CNTNAP5: variants seen among roughly 807,000 people sequenced by gnomAD.
CNTNAP5 encodes contactin associated protein family member 5, also known as contactin-associated protein-like 5.
A neutral mutation model predicts 150.2 loss-of-function variants in CNTNAP5; 72 were observed. The observed-to-expected ratio is 0.48, with a 90% CI of 0.40 to 0.58. The LOEUF (loss-of-function observed/expected upper bound fraction) is 0.58, where lower values mean the gene tolerates loss of function less well. Ranked by LOEUF, CNTNAP5 falls within the 20% of genes least tolerant of loss-of-function variation. The pLI, the probability that CNTNAP5 is intolerant of heterozygous loss-of-function variation, is 0.00. For missense variants in CNTNAP5, 1,636 were observed against 1,626.2 expected (o/e 1.01, Z -0.10); for synonymous variants, 672 against 619.8 (o/e 1.08, Z -1.25).
chr2:124,118,023 A>T (rs914912299), intron 1 of CNTNAP5, among the ~76,000 whole-genome samples: 1 of 152,270 alleles, frequency 6.6e-6, no homozygotes, highest in East Asian at 1.9e-4. Flanking sequence ...ATTTAAAAAA[A>T]TTTTCAGGGA....
chr2:124,221,125 A>C (rs1037666180), intron 1 of CNTNAP5, among the ~76,000 whole-genome samples: 2 of 152,168 alleles, frequency 1.3e-5, no homozygotes, highest in African/African-American at 4.8e-5. Flanking sequence ...AATATACAAG[A>C]TCTAGGACTA....
At chr2:124,400,549 C>G (rs1357182898) in intron 3 of CNTNAP5, among the ~76,000 whole-genome samples, 1 of 152,168 alleles carries the variant, frequency 6.6e-6, no homozygotes, top group Admixed American at 6.5e-5. Flanking sequence ...CACTCCTTAA[C>G]TCCAGGTGCT....
At chr2:124,673,792 A>G (rs1678871253) in intron 13 of CNTNAP5, among the ~76,000 whole-genome samples, 3 of 151,892 alleles carry the variant, frequency 2.0e-5, no homozygotes. Flanking sequence ...TCCTCTAGAC[A>G]ATTTTTCTGA....
At chr2:124,465,551 A>C (rs1693358118) in intron 6 of CNTNAP5, among the ~76,000 whole-genome samples, 1 of 152,210 alleles carries the variant, frequency 6.6e-6, no homozygotes, top group Non-Finnish European at 1.5e-5. Flanking sequence ...CCAATTTAAC[A>C]AATATCTGTT....
intron 12 of CNTNAP5, among the ~76,000 whole-genome samples, chr2:124,637,912 C>T (rs1393795457): frequency 6.6e-6 from 1 of 152,072 alleles, no homozygotes. Flanking sequence ...TCAACTAGAA[C>T]TTTCCCTACC....
intron 13 of CNTNAP5, among the ~76,000 whole-genome samples, chr2:124,713,898 A>C (rs1448292825): frequency 2.6e-5 from 4 of 152,184 alleles, no homozygotes; most frequent in African/African-American, 9.7e-5. Context: ...CTAGTTCAGC[A>C]AACATCTTTC....
Position 124,758,424 on chromosome 2 carries a change from C to A in CNTNAP5, c.2235-5248C>A, listed in dbSNP as rs141273024. On this transcript the variant is annotated intron_variant, in intron 14 of 23. Coordinates refer to ENST00000682447, the MANE Select transcript of CNTNAP5 (RefSeq NM_001367498.1). The stretch of plus-strand genomic sequence containing the variant: ...GTAGACAGTCAAATAAATATATATT[C>A]ATGAAGGAACATGTGTGTGTGTGTC... Among the ~76,000 whole-genome samples the A allele has an allele frequency of 6.4e-3, 970 of 151,904 alleles. 45 individuals carry two copies. Among genetic ancestry groups the A allele is most frequent in the Admixed American group, 0.057 (871 of 15,222 alleles).
intron 1 of CNTNAP5, among the ~76,000 whole-genome samples, chr2:124,046,105 A>T (rs920307798): frequency 3.9e-5 from 6 of 152,168 alleles, no homozygotes; most frequent in Non-Finnish European, 8.8e-5. Flanking sequence ...TTTATTCTAG[A>T]TGCTGGAAAT....
chr2:124,665,066 G>A (rs536711965), intron 13 of CNTNAP5, among the ~76,000 whole-genome samples: 2 of 152,224 alleles, frequency 1.3e-5, no homozygotes, highest in South Asian at 4.1e-4. Flanking sequence ...CTATCAGCCA[G>A]TGAGAACACA....
intron 8 of CNTNAP5, among the ~76,000 whole-genome samples, chr2:124,509,660 C>T (rs975383809): frequency 2.0e-5 from 3 of 152,208 alleles, no homozygotes; most frequent in African/African-American, 4.8e-5. Flanking sequence ...AGTTCATGGT[C>T]TTTACACAGT....
chr2:124,626,662 GT>G (rs929254471), intron 12 of CNTNAP5, among the ~76,000 whole-genome samples: 4 of 152,164 alleles, frequency 2.6e-5, no homozygotes, highest in Non-Finnish European at 5.9e-5. Flanking sequence ...AGCTGCAAGA[GT>G]TTTTACATAC....
At chr2:124,902,847 A>T (rs1447959273) in intron 21 of CNTNAP5, 35 bp from the exon 22 acceptor site, 2 of 1,509,394 alleles carry the variant, frequency 1.3e-6, no homozygotes, top group Middle Eastern at 1.8e-4. Flanking sequence ...AAAACAAAAA[A>T]AGTAAAGGAC....
chr2:124,798,366 G>C (rs1225506084), intron 19 of CNTNAP5, 46 bp downstream of exon 19: 3 of 1,374,464 alleles, frequency 2.2e-6, no homozygotes, highest in African/African-American at 2.9e-5. Context: ...GCCTGGGCTG[G>C]AGGGACGGTG....
chr2:124,864,546 G>GTC (rs374205214), intron 19 of CNTNAP5, among the ~76,000 whole-genome samples: 11 of 133,922 alleles, frequency 8.2e-5, no homozygotes, highest in Admixed American at 4.1e-4. Flanking sequence ...CTCTCTCTCT[G>GTC]TCTCTCTCTC....
rs369121396 is a variant in CNTNAP5, at chr2:124,140,108, C to T, written c.83-81597C>T. 3.5e-3 allele frequency among the ~76,000 whole-genome samples: 534 copies of T among 151,876 alleles called. 4 individuals are homozygous for T. The highest frequency in any genetic ancestry group is 0.012 in the African/African-American group (498 of 41,454). Reference sequence around the variant, plus strand: ...GCTTAAAAAACGGCGCACCACGAGACTATATCCCACACCTGGCTCAGAGGG... The same window carrying T: ...GCTTAAAAAACGGCGCACCACGAGATTATATCCCACACCTGGCTCAGAGGG... On this transcript the variant is annotated intron_variant, in intron 1 of 23. Coordinates refer to ENST00000682447, the MANE Select transcript of CNTNAP5 (RefSeq NM_001367498.1).
chr2:124,489,498 G>T (rs1312741147), intron 7 of CNTNAP5, among the ~76,000 whole-genome samples: 1 of 152,112 alleles, frequency 6.6e-6, no homozygotes, highest in Non-Finnish European at 1.5e-5. Context: ...TCCAAATACA[G>T]TCGCATTCTG....
intron 13 of CNTNAP5, among the ~76,000 whole-genome samples, chr2:124,688,871 T>C (rs953643741): frequency 6.6e-6 from 1 of 152,068 alleles, no homozygotes; most frequent in African/African-American, 2.4e-5. Flanking sequence ...AAATGTATTA[T>C]GAATAATTCA....
At chr2:124,374,452 C>A (rs1187607437) in intron 3 of CNTNAP5, among the ~76,000 whole-genome samples, 6 of 152,078 alleles carry the variant, frequency 3.9e-5, no homozygotes, top group Admixed American at 3.9e-4. Context: ...TAGACTGTTA[C>A]ATCTGTGAGT....
intron 1 of CNTNAP5, among the ~76,000 whole-genome samples, chr2:124,123,459 T>G (rs1683615802): frequency 6.6e-6 from 1 of 152,164 alleles, no homozygotes; most frequent in South Asian, 2.1e-4. Context: ...CCTGCCTCTG[T>G]AGACTCCACC....
Sources: allele counts gnomAD v4.1 joint callset (sites outside exome capture counted in the v4.1 genomes callset), GRCh38; gene constraint gnomAD v4.1.1; transcripts MANE v1.5; gene names NCBI Gene and HGNC (gene_info 2026-07-23, HGNC 2026-07-21).